Variants in CAMK1D observed in about 807,000 individuals in gnomAD.
The protein encoded by CAMK1D is calcium/calmodulin-dependent protein kinase type 1D.
A neutral mutation model predicts 47.7 loss-of-function variants in CAMK1D; 9 were observed. The ratio of observed to expected loss-of-function variants is 0.19; its 90% CI spans 0.11 to 0.33. The LOEUF (loss-of-function observed/expected upper bound fraction) is 0.33. Among genes scored for constraint, CAMK1D ranks in the 10% least tolerant of loss-of-function variants. The pLI, the probability that CAMK1D is intolerant of heterozygous loss-of-function variation, is 1.00. For missense variants in CAMK1D, 291 were observed against 488.7 expected, an observed-to-expected ratio of 0.60 and a Z score of 3.81; for synonymous variants, 184 against 184.9, an observed-to-expected ratio of 0.99 and a Z score of 0.04.
intron 1 of CAMK1D, among the ~76,000 whole-genome samples, chr10:12,423,376 C>T (rs1212731511): frequency 1.3e-5 from 2 of 152,094 alleles, no homozygotes; most frequent in African/African-American, 4.8e-5. Flanking sequence ...ATTTACTGGG[C>T]ATGGTGGCTT....
chr10:12,751,068 TAAGATAAGATAAGATAAGATA>T (rs1835932394), intron 3 of CAMK1D, among the ~76,000 whole-genome samples: 1 of 20,688 alleles, frequency 4.8e-5, no homozygotes, highest in African/African-American at 4.1e-4. Context: ...TAAGATAAGA[TAAGATAAGATAAGATAAGATA>T]AGATAAGATA....
At chr10:12,685,192 T>C (rs1832607599) in intron 3 of CAMK1D, among the ~76,000 whole-genome samples, 1 of 152,120 alleles carries the variant, frequency 6.6e-6, no homozygotes, top group African/African-American at 2.4e-5. Context: ...TCCCAGCTAC[T>C]CGGGAGGCTG....
intron 3 of CAMK1D, among the ~76,000 whole-genome samples, chr10:12,754,010 C>T (rs1212680597): frequency 6.6e-6 from 1 of 152,184 alleles, no homozygotes; most frequent in Non-Finnish European, 1.5e-5. Context: ...CCTGCCTCAG[C>T]CTCCCGAGTA....
At chr10:12,471,556 G>A (rs1157232625) in intron 1 of CAMK1D, among the ~76,000 whole-genome samples, 1 of 152,190 alleles carries the variant, frequency 6.6e-6, no homozygotes, top group Non-Finnish European at 1.5e-5. Context: ...ACAGGGTATT[G>A]GCCAAGGGCC....
intron 1 of CAMK1D, among the ~76,000 whole-genome samples, chr10:12,523,313 C>G (rs1835501721): frequency 6.6e-6 from 1 of 151,818 alleles, no homozygotes; most frequent in Non-Finnish European, 1.5e-5. Context: ...GGCGGCCAGG[C>G]AGAGACGCTC....
chr10:12,488,751 T>C (rs896821176), intron 1 of CAMK1D, among the ~76,000 whole-genome samples: 1 of 152,054 alleles, frequency 6.6e-6, no homozygotes, highest in Non-Finnish European at 1.5e-5. Context: ...ATAAGGAGTG[T>C]GGAACCTAGA....
intron 3 of CAMK1D, among the ~76,000 whole-genome samples, chr10:12,676,594 C>T (rs1007063648): frequency 1.3e-5 from 2 of 152,150 alleles, no homozygotes; most frequent in Non-Finnish European, 2.9e-5. Context: ...ACAGTAAACT[C>T]AGGAGTTACT....
chr10:12,504,677 C>G (rs535207143), intron 1 of CAMK1D, among the ~76,000 whole-genome samples: 15 of 152,290 alleles, frequency 9.8e-5, no homozygotes, highest in African/African-American at 3.6e-4. Context: ...GGTGTTCAAC[C>G]TAGAAAGGCT....
intron 7 of CAMK1D, among the ~76,000 whole-genome samples, chr10:12,814,755 A>C (rs117601781): frequency 6.6e-6 from 1 of 151,198 alleles, no homozygotes; most frequent in African/African-American, 2.4e-5. Flanking sequence ...ATTTCAGCAT[A>C]TGAACTGTGG....
At chr10:12,402,187 G>T (rs1026402023) in intron 1 of CAMK1D, among the ~76,000 whole-genome samples, 1 of 151,500 alleles carries the variant, frequency 6.6e-6, no homozygotes, top group African/African-American at 2.4e-5. Context: ...AGTGATCTGC[G>T]TGCCTCGGCT....
intron 1 of CAMK1D, among the ~76,000 whole-genome samples, chr10:12,435,474 G>A (rs907235322): frequency 6.6e-6 from 1 of 152,034 alleles, no homozygotes; most frequent in Non-Finnish European, 1.5e-5. Context: ...CAACAGGCTG[G>A]AGTTCCTGTT....
chr10:12,564,159 C>CTCTGTCTG (rs1837051202), intron 2 of CAMK1D, among the ~76,000 whole-genome samples: 1 of 106,834 alleles, frequency 9.4e-6, no homozygotes, highest in African/African-American at 2.9e-5. Flanking sequence ...CTCTCTCTCT[C>CTCTGTCTG]TCTCTCTCTC....
chr10:12,514,478 T>G (rs1377905139), intron 1 of CAMK1D, among the ~76,000 whole-genome samples: 2 of 152,210 alleles, frequency 1.3e-5, no homozygotes, highest in African/African-American at 2.4e-5. Context: ...TTCACACTAG[T>G]GAATTTAATT....
At chr10:12,593,683 T>C (rs1389310746) in intron 2 of CAMK1D, among the ~76,000 whole-genome samples, 1 of 146,300 alleles carries the variant, frequency 6.8e-6, no homozygotes, top group Admixed American at 6.7e-5. Flanking sequence ...GCTATTGGAA[T>C]TTTTTTTTAA....
In CAMK1D at chr10:12,829,242, A is replaced by C. The variant is rs1305565745; in HGVS notation, c.*355A>C. ...TGTGTTTTTTCATTAATGACAAAAA[A>C]AAAAAGGTTTCAACTGGATTATTTA... On this transcript the variant is annotated 3_prime_UTR_variant, in exon 11 of 11. Transcript: ENST00000619168. 5.7e-6 allele frequency: 1 copy of C among 174,800 alleles called. No individual in the cohort carries two copies. The highest frequency in any genetic ancestry group is 1.2e-5 in the Non-Finnish European group (1 of 83,056). The allele number at this position is 174,800 out of a possible 1,614,324, so 10.8% of individuals were successfully genotyped here.
At chr10:12,802,764 T>C (rs1838543451) in intron 6 of CAMK1D, among the ~76,000 whole-genome samples, 1 of 152,162 alleles carries the variant, frequency 6.6e-6, no homozygotes, top group African/African-American at 2.4e-5. Context: ...TCATGATCCG[T>C]CCACCGTGGC....
intron 6 of CAMK1D, among the ~76,000 whole-genome samples, chr10:12,808,036 G>A (rs1340715169): frequency 6.6e-6 from 1 of 152,226 alleles, no homozygotes; most frequent in East Asian, 1.9e-4. Flanking sequence ...CACCGCAGCA[G>A]CAAGCTGCTC....
At chr10:12,685,443 A>C (rs1238985741) in intron 3 of CAMK1D, among the ~76,000 whole-genome samples, 1 of 152,218 alleles carries the variant, frequency 6.6e-6, no homozygotes, top group Non-Finnish European at 1.5e-5. Context: ...AGGACTCAGT[A>C]CTGATGACTG....
In CAMK1D at chr10:12,538,885, C is replaced by CAA. The variant is rs60713871; in HGVS notation, c.93-14322_93-14321dup. Reference sequence around the variant, plus strand: ...CATATTGCAGGTGGCAAAACTGAGGCAAAAAAAAAAAAAAAAAAAGAGAAA... The same window carrying CAA: ...CATATTGCAGGTGGCAAAACTGAGGCAAAAAAAAAAAAAAAAAAAAAGAGAAA... On this transcript the variant is annotated intron_variant, in intron 1 of 10. Coordinates refer to ENST00000619168, the MANE Select transcript of CAMK1D (RefSeq NM_153498.4). 2.8e-3 allele frequency among the ~76,000 whole-genome samples: 247 copies of CAA among 89,160 alleles called. 1 individual carries two copies. Among genetic ancestry groups the CAA allele is most frequent in the African/African-American group, 8.2e-3 (186 of 22,632 alleles). The allele number at this position is 89,160 out of a possible 152,430, so 58.5% of individuals were successfully genotyped here. A position where few individuals can be genotyped will look rare whatever the true frequency, so the allele number is the denominator to read the frequency against.
Sources: allele counts gnomAD v4.1 joint callset (sites outside exome capture counted in the v4.1 genomes callset), GRCh38; gene constraint gnomAD v4.1.1; transcripts MANE v1.5; gene names NCBI Gene and HGNC (gene_info 2026-07-23, HGNC 2026-07-21).